Variants in ENOX1 observed in about 807,000 individuals in gnomAD.
ENOX1 encodes ecto-NOX disulfide-thiol exchanger 1.
ENOX1 carries 42 observed loss-of-function variants against 82.5 expected under a neutral mutation model. The observed-to-expected ratio is 0.51, with a 90% confidence interval of 0.40 to 0.66. ENOX1 has a LOEUF of 0.66. ENOX1 is among the 30% of genes least tolerant of loss of function. The pLI, the probability that ENOX1 is intolerant of heterozygous loss-of-function variation, is 0.00. For synonymous variants in ENOX1, 271 were observed against 282.2 expected (o/e 0.96, Z 0.40); for missense variants, 608 against 811.6 (o/e 0.75, Z 3.05).
At chr13:43,521,450 G>A (rs1000150112) in intron 2 of ENOX1, among the ~76,000 whole-genome samples, 1 of 151,976 alleles carries the variant, frequency 6.6e-6, no homozygotes, top group Admixed American at 6.6e-5. Flanking sequence ...AGCTGGGCTG[G>A]GTATTCCCGC....
At chr13:43,784,670 T>C (rs919103438) in intron 1 of ENOX1, among the ~76,000 whole-genome samples, 2 of 152,246 alleles carry the variant, frequency 1.3e-5, no homozygotes, top group Non-Finnish European at 2.9e-5. Context: ...TGTTTTGATA[T>C]GGGTCCCTGG....
At chr13:43,765,562 T>A (rs1951214645) in intron 1 of ENOX1, among the ~76,000 whole-genome samples, 1 of 152,150 alleles carries the variant, frequency 6.6e-6, no homozygotes, top group African/African-American at 2.4e-5. Flanking sequence ...CACTGTTAGT[T>A]ATCTATAGCT....
At chr13:43,342,489 A>C (rs1050536284) in intron 9 of ENOX1, among the ~76,000 whole-genome samples, 2 of 152,182 alleles carry the variant, frequency 1.3e-5, no homozygotes, top group African/African-American at 2.4e-5. Flanking sequence ...TTCAAAGTTG[A>C]GGTGCCTAAG....
chr13:43,669,323 T>C (rs1481405530), intron 1 of ENOX1, among the ~76,000 whole-genome samples: 1 of 152,210 alleles, frequency 6.6e-6, no homozygotes, highest in Non-Finnish European at 1.5e-5. Flanking sequence ...CTCTGAGCCC[T>C]TCTCTTCCTC....
intron 3 of ENOX1, among the ~76,000 whole-genome samples, chr13:43,475,711 T>C (rs1402643415): frequency 2.0e-5 from 3 of 151,028 alleles, no homozygotes; most frequent in African/African-American, 7.3e-5. Context: ...AATAGTGGCT[T>C]TTACTCTTGA....
intron 2 of ENOX1, among the ~76,000 whole-genome samples, chr13:43,582,318 CATGAAATAATAAAA>C (rs1467416643): frequency 6.6e-6 from 1 of 151,840 alleles, no homozygotes; most frequent in Non-Finnish European, 1.5e-5. Context: ...GATTAATAAA[CATGAAATAATAAAA>C]ACTAAATTAA....
At chr13:43,374,591 C>A (rs1344459036) in intron 5 of ENOX1, among the ~76,000 whole-genome samples, 1 of 152,198 alleles carries the variant, frequency 6.6e-6, no homozygotes, top group Non-Finnish European at 1.5e-5. Flanking sequence ...GTTATAACTT[C>A]AAAGAACGTT....
At chr13:43,349,197 T>C (rs2049600285) in intron 8 of ENOX1, among the ~76,000 whole-genome samples, 1 of 152,226 alleles carries the variant, frequency 6.6e-6, no homozygotes, top group African/African-American at 2.4e-5. Context: ...ATAGATGTTC[T>C]CATGACAATT....
chr13:43,244,758 A>G (rs866348197), intron 14 of ENOX1, among the ~76,000 whole-genome samples: 17 of 152,056 alleles, frequency 1.1e-4, no homozygotes, highest in Middle Eastern at 3.2e-3. Context: ...TGTGGTAAAG[A>G]TTCTCCATGT....
intron 2 of ENOX1, among the ~76,000 whole-genome samples, chr13:43,529,429 G>A (rs139522433): frequency 6.2e-4 from 95 of 152,172 alleles, no homozygotes; most frequent in Middle Eastern, 3.4e-3. Flanking sequence ...CTTCCTTTAA[G>A]TGAAAAAGTG....
intron 3 of ENOX1, among the ~76,000 whole-genome samples, chr13:43,440,741 T>C (rs758825336): frequency 1.1e-4 from 16 of 152,178 alleles, no homozygotes; most frequent in Non-Finnish European, 2.4e-4. Context: ...TTTATCCAGG[T>C]AAATTTATAC....
intron 15 of ENOX1, among the ~76,000 whole-genome samples, chr13:43,226,583 C>T (rs955870805): frequency 6.6e-6 from 1 of 152,040 alleles, no homozygotes; most frequent in African/African-American, 2.4e-5. Flanking sequence ...AGAGGGAATC[C>T]CCTGTTTCAC....
chr13:43,725,911 G>A (rs941830968), intron 1 of ENOX1, among the ~76,000 whole-genome samples: 5 of 151,526 alleles, frequency 3.3e-5, no homozygotes, highest in African/African-American at 4.9e-5. Flanking sequence ...AGGCTGCAGT[G>A]AGCTGAGATT....
intron 3 of ENOX1, among the ~76,000 whole-genome samples, chr13:43,442,319 A>G (rs1038885736): frequency 2.6e-5 from 4 of 152,256 alleles, no homozygotes; most frequent in Admixed American, 2.6e-4. Flanking sequence ...ACCTCAGTCT[A>G]AAAGCACTAG....
chr13:43,599,278 T>C (rs1234365795), intron 2 of ENOX1, among the ~76,000 whole-genome samples: 1 of 151,998 alleles, frequency 6.6e-6, no homozygotes, highest in East Asian at 1.9e-4. Context: ...TAAAAGACAA[T>C]ATTGAATTCC....
chr13:43,427,916 A>T (rs1156273387), intron 3 of ENOX1, among the ~76,000 whole-genome samples: 9 of 152,168 alleles, frequency 5.9e-5, no homozygotes, highest in Non-Finnish European at 1.3e-4. Flanking sequence ...AAGAAAGAAA[A>T]CAAAAAAAGT....
At chr13:43,755,819 C>T (rs1294789511) in intron 1 of ENOX1, among the ~76,000 whole-genome samples, 2 of 152,086 alleles carry the variant, frequency 1.3e-5, no homozygotes, top group African/African-American at 4.8e-5. Flanking sequence ...TTAGCAAAAC[C>T]AGTAAAGCAT....
At chr13:43,518,193 T>A (rs184096339) in intron 2 of ENOX1, among the ~76,000 whole-genome samples, 6 of 152,258 alleles carry the variant, frequency 3.9e-5, no homozygotes, top group Admixed American at 3.9e-4. Flanking sequence ...TTGTTCTCTC[T>A]TTTAAACTCC....
At chr13:43,580,127 A>C (rs191689928) in intron 2 of ENOX1, among the ~76,000 whole-genome samples, 1 of 152,338 alleles carries the variant, frequency 6.6e-6, no homozygotes, top group Admixed American at 6.5e-5. Context: ...CTACATGTAC[A>C]TCATCAGAAC....
Sources: gnomAD v4.1 joint callset for allele counts (sites outside exome capture counted in the v4.1 genomes callset) on GRCh38, gnomAD v4.1.1 for gene constraint, MANE v1.5 for transcripts, NCBI Gene and HGNC (gene_info 2026-07-23, HGNC 2026-07-21) for gene names.